Variants in USP3 observed in about 807,000 individuals in gnomAD.
USP3 encodes ubiquitin specific peptidase 3.
A neutral mutation model predicts 72.3 loss-of-function variants in USP3; 20 were observed. The observed-to-expected ratio is 0.28, with a 90% CI of 0.19 to 0.40. USP3 has a LOEUF of 0.40. USP3 is among the 10% of genes least tolerant of loss of function. The probability of loss-of-function intolerance (pLI) is 1.00; values close to 1 mark genes in which losing one functional copy is unlikely to be tolerated. For synonymous variants in USP3, 222 were observed against 225.3 expected, an observed-to-expected ratio of 0.99 and a Z score of 0.13; for missense variants, 479 against 633.9, an observed-to-expected ratio of 0.76 and a Z score of 2.62.
intron 7 of USP3, among the ~76,000 whole-genome samples, chr15:63,561,561 G>C (rs1468474267): frequency 6.6e-6 from 1 of 152,114 alleles, no homozygotes; most frequent in Non-Finnish European, 1.5e-5. Context: ...GGTGCTCTTT[G>C]CCCCCCCTGC....
In USP3 at chr15:63,588,244, A is replaced by T; in HGVS notation, c.1097-61A>T. 1 of 1,289,474 alleles carries T rather than the reference A, an allele frequency of 7.8e-7. No individual in the cohort carries two copies. Among genetic ancestry groups the T allele is most frequent in the South Asian group, 1.5e-5 (1 of 68,456 alleles). 79.9% of individuals were successfully genotyped at this position (1,289,474 alleles called of 1,614,324 possible). ...GATTTTAAACCTGGGTCTTTTTTCT[A>T]CAGTACATTGCCTCTACAAAAGGCA... On this transcript the variant is annotated intron_variant, in intron 11 of 14. Coordinates refer to ENST00000380324, the MANE Select transcript of USP3 (RefSeq NM_006537.4). The surrounding 1 kb of genome is among the most constrained non-coding windows in gnomAD (Gnocchi z 4.6).
At chr15:63,567,390 G>A (rs113454877) in intron 8 of USP3, among the ~76,000 whole-genome samples, 1,847 of 141,702 alleles carry the variant, frequency 0.013, 33 homozygotes, top group African/African-American at 0.043. Flanking sequence ...TCTGTTGCCC[G>A]GGCTGGAGTG....
intron 1 of USP3, among the ~76,000 whole-genome samples, chr15:63,505,676 A>G (rs909623922): frequency 7.2e-5 from 11 of 152,078 alleles, no homozygotes; most frequent in Non-Finnish European, 4.4e-5. Context: ...GTGCCCTCTC[A>G]TTGTCTGCTC....
At chr15:63,582,291 C>A (rs1401048718) in intron 11 of USP3, among the ~76,000 whole-genome samples, 1 of 152,142 alleles carries the variant, frequency 6.6e-6, no homozygotes, top group Non-Finnish European at 1.5e-5. Flanking sequence ...GGAGATTGTT[C>A]TCTACTAATC....
intron 3 of USP3, among the ~76,000 whole-genome samples, chr15:63,545,551 G>A (rs570022851): frequency 6.6e-6 from 1 of 151,290 alleles, no homozygotes; most frequent in East Asian, 1.9e-4. Flanking sequence ...TCTCTAATAT[G>A]TACCCTAGTA....
rs915113528 is a variant in USP3, at chr15:63,542,237, G to A, written c.284+5081G>A. 3 of 973,806 alleles carry A rather than the reference G, an allele frequency of 3.1e-6. No individual in the cohort carries two copies. In the African/African-American group the frequency reaches 5.3e-5, roughly 17 times the overall value. 60.3% of individuals were successfully genotyped at this position (973,806 alleles called of 1,614,324 possible). ...TTGGGTATGACATATATGTTATTCA[G>A]TATGGTAGCAATTGAGCAATTGAAT... On this transcript the variant is annotated intron_variant, in intron 3 of 14. Transcript: ENST00000380324.
At chr15:63,534,210 C>G (rs967018844) in intron 2 of USP3, among the ~76,000 whole-genome samples, 3 of 152,072 alleles carry the variant, frequency 2.0e-5, no homozygotes, top group Admixed American at 6.5e-5. Flanking sequence ...TTCAGAATAG[C>G]CTGAATTTGG....
At chr15:63,551,146 C>T (rs1306528447) in intron 3 of USP3, 1 of 152,090 alleles carries the variant, frequency 6.6e-6, no homozygotes, top group African/African-American at 2.4e-5. Context: ...TGACTGAAGC[C>T]AGTTCATATT....
At chr15:63,508,613 C>T (rs2065744081) in intron 1 of USP3, among the ~76,000 whole-genome samples, 1 of 152,024 alleles carries the variant, frequency 6.6e-6, no homozygotes, top group South Asian at 2.1e-4. Flanking sequence ...GTGCACATAC[C>T]AGATGTTATT....
rs755145663 is a variant in USP3, at chr15:63,553,673, C to T, written c.285-42C>T. 1.3e-6 allele frequency: 2 copies of T among 1,578,836 alleles called. No homozygotes were observed. Among genetic ancestry groups the T allele is most frequent in the South Asian group, 2.3e-5 (2 of 87,368 alleles). On this transcript the variant is annotated intron_variant, in intron 3 of 14. Coordinates refer to ENST00000380324, the MANE Select transcript of USP3 (RefSeq NM_006537.4). The surrounding 1 kb of genome is among the most constrained non-coding windows in gnomAD (Gnocchi z 4.2). Reference sequence around the variant, plus strand: ...TTTAGTGATTTCATTACTGTGGTTTCCTCAAGCTCTTTACACACATTGATT... The same window carrying T: ...TTTAGTGATTTCATTACTGTGGTTTTCTCAAGCTCTTTACACACATTGATT...
chr15:63,538,624 C>T (rs1040846496), intron 3 of USP3, among the ~76,000 whole-genome samples: 1 of 151,160 alleles, frequency 6.6e-6, no homozygotes, highest in Non-Finnish European at 1.5e-5. Context: ...CCGCTCACTG[C>T]AAGCTCTGCC....
intron 1 of USP3, among the ~76,000 whole-genome samples, chr15:63,524,405 G>A (rs1204084530): frequency 6.6e-6 from 1 of 152,190 alleles, no homozygotes; most frequent in African/African-American, 2.4e-5. Flanking sequence ...TGCTCCCTCT[G>A]TTAAGTGGTG....
At chr15:63,581,131 T>A (rs2066950976) in intron 11 of USP3, among the ~76,000 whole-genome samples, 1 of 152,046 alleles carries the variant, frequency 6.6e-6, no homozygotes, top group African/African-American at 2.4e-5. Flanking sequence ...ACAGGCCATA[T>A]AATTCACTTC....
At chr15:63,579,344 G>A (rs1392613864) in intron 11 of USP3, among the ~76,000 whole-genome samples, 1 of 152,166 alleles carries the variant, frequency 6.6e-6, no homozygotes, top group African/African-American at 2.4e-5. Flanking sequence ...TAAAATGAAA[G>A]TAAGGTAGAA....
chr15:63,569,924 G>C (rs2066752529), intron 8 of USP3, among the ~76,000 whole-genome samples: 1 of 152,164 alleles, frequency 6.6e-6, no homozygotes, highest in Admixed American at 6.5e-5. Context: ...TTAAAAATTA[G>C]TATCTTTCAA....
At position 63,588,347 on chromosome 15, in the gene USP3, C is replaced by CA. The variant is rs772462657; in HGVS notation, c.1140dup (p.Glu381ArgfsTer7). 6.2e-7 allele frequency: 1 copy of CA among 1,600,468 alleles called. No homozygotes were observed. Among genetic ancestry groups the CA allele is most frequent in the Admixed American group, 1.8e-5 (1 of 55,590 alleles). On this transcript the variant is annotated frameshift_variant, in exon 12 of 15. Transcript: ENST00000380324. LOFTEE classifies it high-confidence loss of function. This position sits in a 1 kb window ranked among gnomAD's most constrained non-coding sequence, Gnocchi z 4.6. ...ACCGACTTAGAAGAACTTGATGAGA[C>CA]AGAGTTATATATGTGCCATAAATGC... is the stretch of plus-strand genomic sequence containing the variant.
chr15:63,565,746 G>A (rs982217027), intron 8 of USP3, among the ~76,000 whole-genome samples: 1 of 152,120 alleles, frequency 6.6e-6, no homozygotes, highest in Non-Finnish European at 1.5e-5. Context: ...CCATTTTACA[G>A]TTGTATCATA....
In USP3 at chr15:63,593,387, C is replaced by CT. The variant is rs1170765872; in HGVS notation, c.*2562dup. ...CTTAGAAGGTAGACAGCTGTAACCT[C>CT]TAACATTGATACTTCGATCTTCAGT... is the stretch of plus-strand genomic sequence containing the variant. On this transcript the variant is annotated 3_prime_UTR_variant, in exon 15 of 15. Coordinates refer to ENST00000380324, the MANE Select transcript of USP3 (RefSeq NM_006537.4). 6.6e-6 allele frequency: 1 copy of CT among 152,188 alleles called. No individual in the cohort carries two copies. Among genetic ancestry groups the CT allele is most frequent in the African/African-American group, 2.4e-5 (1 of 41,448 alleles). The allele number at this position is 152,188 out of a possible 1,614,324, so 9.4% of individuals were successfully genotyped here.
rs1319902539 is a variant in USP3 at position 63,570,893 on chromosome 15, G to C, written c.908+314G>C. 6.6e-6 allele frequency among the ~76,000 whole-genome samples: 1 copy of C among 152,100 alleles called. No individual in the cohort carries two copies. The highest frequency in any genetic ancestry group is 6.5e-5 in the Admixed American group (1 of 15,276). ...TTCCTCCAAATATACTGAATGATAG[G>C]CAGGAGACTTAATTTTCATATACCA... On this transcript the variant is annotated intron_variant, in intron 9 of 14. Coordinates refer to ENST00000380324, the MANE Select transcript of USP3 (RefSeq NM_006537.4). This position sits in a 1 kb window ranked among gnomAD's most constrained non-coding sequence, Gnocchi z 4.4.
Sources: gnomAD v4.1 joint callset for allele counts (sites outside exome capture counted in the v4.1 genomes callset) on GRCh38, gnomAD v4.1.1 for gene constraint, Gnocchi (gnomAD v3.1) non-coding constraint, MANE v1.5 for transcripts, NCBI Gene and HGNC (gene_info 2026-07-23, HGNC 2026-07-21) for gene names.